Variants in CRPPA observed in about 807,000 individuals in gnomAD.
The protein encoded by CRPPA is CDP-L-ribitol pyrophosphorylase A.
Under a neutral mutation model 52.0 loss-of-function variants are expected in CRPPA, and 43 were observed. The observed-to-expected ratio is 0.83, with a 90% CI of 0.65 to 1.07. The LOEUF is 1.07. Ranked by LOEUF, CRPPA falls within the 50% of genes least tolerant of loss-of-function variation. The pLI is 0.00. For missense variants in CRPPA, 629 were observed against 551.7 expected, an observed-to-expected ratio of 1.14 and a Z score of -1.40; for synonymous variants, 250 against 203.5, an observed-to-expected ratio of 1.23 and a Z score of -1.94.
rs532346351 is a variant in CRPPA at position 16,106,441 on chromosome 7, C to T, written c.1252-14642G>A. 3.9e-5 allele frequency among the ~76,000 whole-genome samples: 6 copies of T among 152,286 alleles called. No homozygotes were observed. In the East Asian group the frequency reaches 9.7e-4, roughly 25 times the overall value. ...TGACTAGTCTGACCAGAAGCTACTA[C>T]AGTATCCAGCCAGAAACTATGCCTA... is the stretch of plus-strand genomic sequence containing the variant. On this transcript the variant is annotated intron_variant, in intron 9 of 9. Coordinates refer to ENST00000407010, the MANE Select transcript of CRPPA (RefSeq NM_001101426.4).
intron 3 of CRPPA, among the ~76,000 whole-genome samples, chr7:16,362,622 T>A (rs1786484904): frequency 1.3e-5 from 2 of 152,128 alleles, no homozygotes; most frequent in South Asian, 4.2e-4. Flanking sequence ...AAGGAGAGAA[T>A]TATTTGCCTG....
intron 3 of CRPPA, among the ~76,000 whole-genome samples, chr7:16,312,353 G>C (rs1785052855): frequency 1.3e-5 from 2 of 151,940 alleles, no homozygotes; most frequent in Non-Finnish European, 2.9e-5. Context: ...TTATGCCCAA[G>C]TATCATTTTG....
intron 8 of CRPPA, among the ~76,000 whole-genome samples, chr7:16,217,722 G>C (rs1359999977): frequency 1.5e-4 from 21 of 140,948 alleles, no homozygotes; most frequent in South Asian, 1.5e-3. Context: ...GAAATGAAGC[G>C]AGAAGGGAAG....
intron 9 of CRPPA, among the ~76,000 whole-genome samples, chr7:16,144,901 A>G (rs985225234): frequency 7.2e-5 from 11 of 152,178 alleles, no homozygotes; most frequent in African/African-American, 2.7e-4. Flanking sequence ...TTGCTCGGCC[A>G]GACTCTGTGG....
chr7:16,412,572 G>T (rs1345475931), intron 1 of CRPPA, among the ~76,000 whole-genome samples: 3 of 152,142 alleles, frequency 2.0e-5, no homozygotes, highest in Admixed American at 2.0e-4. Flanking sequence ...TATTTCTAAG[G>T]ATTTATTCAC....
chr7:16,091,880 G>C (rs1204919714), intron 9 of CRPPA, 81 bp from the exon 10 acceptor site: 2 of 763,100 alleles, frequency 2.6e-6, no homozygotes, highest in Non-Finnish European at 4.0e-6. Flanking sequence ...CACTTTTCAA[G>C]ATCTGCTGCG....
chr7:16,150,530 CAA>C (rs1562527390), intron 9 of CRPPA, among the ~76,000 whole-genome samples: 1 of 151,948 alleles, frequency 6.6e-6, no homozygotes, highest in Non-Finnish European at 1.5e-5. Context: ...CATCCCACAT[CAA>C]AAATGTGATA....
intron 3 of CRPPA, among the ~76,000 whole-genome samples, chr7:16,374,684 T>A (rs936168829): frequency 4.6e-5 from 7 of 152,118 alleles, no homozygotes; most frequent in Non-Finnish European, 7.4e-5. Context: ...ATGGATGAAC[T>A]ATCCATATTC....
At chr7:16,401,960 G>A (rs968543800) in intron 2 of CRPPA, among the ~76,000 whole-genome samples, 2 of 152,152 alleles carry the variant, frequency 1.3e-5, no homozygotes, top group Non-Finnish European at 2.9e-5. Flanking sequence ...CTGATAGTTA[G>A]CAATCAGAGA....
At chr7:16,386,312 C>G (rs1203525307) in intron 2 of CRPPA, among the ~76,000 whole-genome samples, 1 of 152,150 alleles carries the variant, frequency 6.6e-6, no homozygotes, top group Admixed American at 6.6e-5. Context: ...GCTCTTTTGT[C>G]TGTCTGCTCT....
At chr7:16,136,854 A>G (rs1782771892) in intron 9 of CRPPA, among the ~76,000 whole-genome samples, 1 of 151,986 alleles carries the variant, frequency 6.6e-6, no homozygotes, top group Non-Finnish European at 1.5e-5. Context: ...TTTAAAATTT[A>G]TGTCTAGATT....
At chr7:16,306,401 C>A (rs984120943) in intron 4 of CRPPA, among the ~76,000 whole-genome samples, 10 of 152,184 alleles carry the variant, frequency 6.6e-5, no homozygotes, top group Non-Finnish European at 1.5e-4. Context: ...TCAAGATGTA[C>A]CTGAGGACTA....
At chr7:16,259,138 T>G in intron 6 of CRPPA, 126 bp from the exon 7 acceptor site, 2 of 461,190 alleles carry the variant, frequency 4.3e-6, no homozygotes, top group East Asian at 3.4e-5. Context: ...TTTAAAAAAA[T>G]GAAACATGCT....
chr7:16,208,271 A>AT (rs940109096), intron 9 of CRPPA, among the ~76,000 whole-genome samples: 36 of 152,260 alleles, frequency 2.4e-4, no homozygotes, highest in African/African-American at 8.7e-4. Flanking sequence ...ATAAGGGATA[A>AT]TTTTTTAAAA....
intron 8 of CRPPA, among the ~76,000 whole-genome samples, chr7:16,245,817 C>T (rs184239832): frequency 2.0e-5 from 3 of 152,164 alleles, no homozygotes; most frequent in Non-Finnish European, 2.9e-5. Context: ...TCATCCGTTA[C>T]GTGCACAATA....
intron 3 of CRPPA, among the ~76,000 whole-genome samples, chr7:16,318,114 C>T (rs1785185775): frequency 6.6e-6 from 1 of 152,274 alleles, no homozygotes. Context: ...AGCCCTTTTA[C>T]CTCACTGAGG....
chr7:16,254,822 AAAGAAAGAAAGAAAGAAAGAAAGAGAAAG>A (rs1562588753), intron 8 of CRPPA, among the ~76,000 whole-genome samples: 4 of 148,786 alleles, frequency 2.7e-5, no homozygotes, highest in Non-Finnish European at 6.0e-5. Flanking sequence ...AGAAAGAAAG[AAAGAAAGAAAGAAAGAAAGAAAGAGAAAG>A]AAGAAAGAAA....
intron 2 of CRPPA, among the ~76,000 whole-genome samples, chr7:16,397,836 G>T (rs1241241205): frequency 6.6e-6 from 1 of 152,124 alleles, no homozygotes; most frequent in African/African-American, 2.4e-5. Context: ...ATCCACAAAG[G>T]ATCAACACGT....
intron 2 of CRPPA, among the ~76,000 whole-genome samples, chr7:16,388,081 T>C (rs772572448): frequency 2.1e-4 from 32 of 152,258 alleles, no homozygotes; most frequent in Non-Finnish European, 4.1e-4. Context: ...CCTCCTGGGC[T>C]CAAGCAACCT....
Sources: gnomAD v4.1 joint callset for allele counts (sites outside exome capture counted in the v4.1 genomes callset) on GRCh38, gnomAD v4.1.1 for gene constraint, MANE v1.5 for transcripts, NCBI Gene and HGNC (gene_info 2026-07-23, HGNC 2026-07-21) for gene names.